Variants in PDE1A observed in about 807,000 individuals in gnomAD.
The protein encoded by PDE1A is dual specificity calcium/calmodulin-dependent 3',5'-cyclic nucleotide phosphodiesterase 1A.
Under a neutral mutation model 61.7 loss-of-function variants are expected in PDE1A, and 35 were observed. That is an observed-to-expected ratio of 0.57 (90% CI 0.43 to 0.75). PDE1A has a LOEUF of 0.75. Among genes scored for constraint, PDE1A ranks in the 30% least tolerant of loss-of-function variants. The pLI, the probability that PDE1A is intolerant of heterozygous loss-of-function variation, is 0.00. For synonymous variants in PDE1A, 232 were observed against 213.2 expected (o/e 1.09, Z -0.77); for missense variants, 597 against 630.6 (o/e 0.95, Z 0.57).
intron 2 of PDE1A, among the ~76,000 whole-genome samples, chr2:182,465,839 C>T (rs1029956495): frequency 3.3e-5 from 5 of 151,948 alleles, no homozygotes; most frequent in Admixed American, 1.3e-4. Context: ...TTGACATATC[C>T]ATTTTGATGA....
chr2:182,449,544 T>C (rs746475276), intron 2 of PDE1A, among the ~76,000 whole-genome samples: 5 of 152,072 alleles, frequency 3.3e-5, no homozygotes, highest in Non-Finnish European at 7.4e-5. Context: ...TCAACAACAT[T>C]TCAAGTTGAA....
chr2:182,587,022 A>G, the PDE1A span, among the ~76,000 whole-genome samples: 1 of 152,172 alleles, frequency 6.6e-6, no homozygotes, highest in East Asian at 1.9e-4. Flanking sequence ...AGCTTTTCAC[A>G]AAGGAAAAGG....
At chr2:182,692,002 A>T in the PDE1A span, among the ~76,000 whole-genome samples, 1 of 152,196 alleles carries the variant, frequency 6.6e-6, no homozygotes, top group African/African-American at 2.4e-5. Context: ...TAGAATGGCG[A>T]TCATTAAAAA....
intron 1 of PDE1A, among the ~76,000 whole-genome samples, chr2:182,282,900 G>A (rs1439389747): frequency 3.3e-5 from 5 of 151,830 alleles, no homozygotes; most frequent in African/African-American, 9.7e-5. Flanking sequence ...TGGACACTGC[G>A]CCTTAAACTT....
chr2:182,331,730 T>C (rs1182040704), intron 1 of PDE1A, among the ~76,000 whole-genome samples: 2 of 152,260 alleles, frequency 1.3e-5, no homozygotes, highest in Admixed American at 6.5e-5. Context: ...ATTAGTCTGA[T>C]GGGCTTCCCT....
At chr2:182,422,369 A>G (rs1403634083) in intron 1 of PDE1A, among the ~76,000 whole-genome samples, 1 of 152,202 alleles carries the variant, frequency 6.6e-6, no homozygotes, top group Non-Finnish European at 1.5e-5. Flanking sequence ...GAATTTGGAG[A>G]GACAAATGGG....
chr2:182,271,568 A>G (rs1022843254), intron 1 of PDE1A, among the ~76,000 whole-genome samples: 2 of 152,166 alleles, frequency 1.3e-5, no homozygotes, highest in Non-Finnish European at 1.5e-5. Flanking sequence ...ACAGAGATGT[A>G]AACATTCAAA....
the PDE1A span, among the ~76,000 whole-genome samples, chr2:182,603,021 A>ACATACATC: frequency 6.6e-6 from 1 of 152,072 alleles, no homozygotes; most frequent in Non-Finnish European, 1.5e-5. Flanking sequence ...ATACATACAT[A>ACATACATC]CATACATACA....
chr2:182,440,835 C>T (rs1427203514), intron 2 of PDE1A, among the ~76,000 whole-genome samples: 1 of 150,926 alleles, frequency 6.6e-6, no homozygotes, highest in Non-Finnish European at 1.5e-5. Flanking sequence ...TTTTTCTGCT[C>T]AAGCACCAAA....
the PDE1A span, among the ~76,000 whole-genome samples, chr2:182,574,602 A>ATT: frequency 1.3e-5 from 2 of 152,206 alleles, no homozygotes; most frequent in Non-Finnish European, 2.9e-5. Context: ...AGAAAAAAAT[A>ATT]TTTTCTTAGT....
At chr2:182,559,571 G>A in the PDE1A span, among the ~76,000 whole-genome samples, 1 of 152,102 alleles carries the variant, frequency 6.6e-6, no homozygotes, top group Non-Finnish European at 1.5e-5. Context: ...CTACTTTACG[G>A]TACCTACTAA....
rs1026104125 is a variant in PDE1A at position 182,350,535 on chromosome 2, T to A, written c.53+76043A>T. Among the ~76,000 whole-genome samples, 9 of 152,212 alleles carry A rather than the reference T, an allele frequency of 5.9e-5. No individual in the cohort carries two copies. In the East Asian group the frequency reaches 1.7e-3, roughly 29 times the overall value. On this transcript the variant is annotated intron_variant, in intron 1 of 13. Coordinates refer to ENST00000351439, the Ensembl canonical transcript of PDE1A. ...CAAAATAAAAATGCAAGGCCCCTTT[T>A]TAAAAAGCAGGAAAAAAGTGCAGTT...
exon 14 of PDE1A, chr2:182,168,229 G>C (rs1461216013): frequency 1.3e-6 from 2 of 1,576,842 alleles, no homozygotes. Flanking sequence ...CCATGCACGA[G>C]GTTTTACTTA....
At chr2:182,227,924 G>A (rs117520623) in intron 6 of PDE1A, among the ~76,000 whole-genome samples, 1 of 152,080 alleles carries the variant, frequency 6.6e-6, no homozygotes. Context: ...TGTAGTCAGT[G>A]CACTAAAAAT....
chr2:182,668,411 A>C, the PDE1A span, among the ~76,000 whole-genome samples: 1 of 152,056 alleles, frequency 6.6e-6, no homozygotes, highest in Non-Finnish European at 1.5e-5. Flanking sequence ...AATCAACTTC[A>C]CTTCAGTGGA....
At chr2:182,699,448 C>A in the PDE1A span, among the ~76,000 whole-genome samples, 104,153 of 152,090 alleles carry the variant, frequency 0.68, 36,283 homozygotes, top group African/African-American at 0.79. Context: ...ATTTTGATAC[C>A]AATAACATAT....
intron 2 of PDE1A, among the ~76,000 whole-genome samples, chr2:182,261,220 A>C (rs2125776406): frequency 6.6e-6 from 1 of 152,344 alleles, no homozygotes; most frequent in East Asian, 1.9e-4. Flanking sequence ...GTATAGAGGA[A>C]GGAGTACTAA....
intron 7 of PDE1A, among the ~76,000 whole-genome samples, chr2:182,211,120 C>T (rs1171055009): frequency 1.3e-5 from 2 of 152,166 alleles, no homozygotes; most frequent in Non-Finnish European, 2.9e-5. Flanking sequence ...GACCTCAATA[C>T]CTTCCAACCC....
intron 1 of PDE1A, among the ~76,000 whole-genome samples, chr2:182,302,005 G>A (rs1427644732): frequency 6.6e-6 from 1 of 152,168 alleles, no homozygotes; most frequent in Non-Finnish European, 1.5e-5. Flanking sequence ...TAAGTCTCCT[G>A]TACTAAGTTG....
Sources: allele counts gnomAD v4.1 joint callset (sites outside exome capture counted in the v4.1 genomes callset), GRCh38; gene constraint gnomAD v4.1.1; transcripts MANE v1.5; gene names NCBI Gene and HGNC (gene_info 2026-07-23, HGNC 2026-07-21).